Variants in MTMR10 observed in about 807,000 individuals in gnomAD.
The protein encoded by MTMR10 is myotubularin related protein 10.
A neutral mutation model predicts 88.1 loss-of-function variants in MTMR10; 56 were observed. That is an observed-to-expected ratio of 0.64 (90% CI 0.51 to 0.79). The LOEUF (loss-of-function observed/expected upper bound fraction) is 0.79, where lower values mean the gene tolerates loss of function less well. MTMR10 is among the 30% of genes least tolerant of loss of function. The pLI, the probability that MTMR10 is intolerant of heterozygous loss-of-function variation, is 0.00. For synonymous variants in MTMR10, 380 were observed against 340.9 expected, an observed-to-expected ratio of 1.11 and a Z score of -1.26; for missense variants, 883 against 924.7, an observed-to-expected ratio of 0.95 and a Z score of 0.58.
rs148661664 is a variant in MTMR10 at position 30,964,335 on chromosome 15, T to C, written c.566-3262A>G. On this transcript the variant is annotated intron_variant, in intron 6 of 15. Coordinates refer to ENST00000435680, the MANE Select transcript of MTMR10 (RefSeq NM_017762.3). ...ACTTTAATAAGCTAGGCTAAGAATG[T>C]GCTATTGTTTATGAGATTGTTTCTC... is the stretch of plus-strand genomic sequence containing the variant. Among the ~76,000 whole-genome samples the C allele has an allele frequency of 8.4e-3, 1,285 of 152,344 alleles. 14 individuals are homozygous for C. The highest frequency in any genetic ancestry group is 0.029 in the African/African-American group (1,196 of 41,566).
In MTMR10 at chr15:30,954,867, T is replaced by G; in HGVS notation, c.962A>C (p.His321Pro). 1 of 1,560,066 alleles carries G rather than the reference T, an allele frequency of 6.4e-7. No homozygotes were observed. The highest frequency in any genetic ancestry group is 8.7e-7 in the Non-Finnish European group (1 of 1,151,170). Residue 321 changes from histidine (H) to proline (P), a missense_variant, in exon 10 of 16, where the codon CAC becomes CCC. Physicochemically the swap from His to Pro is moderately conservative, Grantham distance 77. Transcript: ENST00000435680. ...QRICNAITKS[H>P]PQRSDVYKSD... ...TTTGTAAACATCACTTCTCTGTGGG[T>G]GACTTTTAGTTATTGCATTACAAAT...
intron 10 of MTMR10, among the ~76,000 whole-genome samples, chr15:30,953,858 A>C (rs962784341): frequency 4.6e-5 from 7 of 152,230 alleles, no homozygotes; most frequent in Non-Finnish European, 7.3e-5. Flanking sequence ...TCGCTCTTTC[A>C]GGGAAATCTT....
In MTMR10 at chr15:30,941,302, A is replaced by AT. The variant is rs146513200; in HGVS notation, c.*167dup. On this transcript the variant is annotated 3_prime_UTR_variant, in exon 16 of 16. Coordinates refer to ENST00000435680, the MANE Select transcript of MTMR10 (RefSeq NM_017762.3). ...GAACAAAATTTACATCTCTCTTAAA[A>AT]TAAGTGTGAAAGAAGCATGATTCAA... The AT allele has an allele frequency of 6.6e-7, 1 of 1,521,538 alleles. No homozygotes were observed. The highest frequency in any genetic ancestry group is 2.5e-5 in the East Asian group (1 of 39,934). 94.3% of individuals were successfully genotyped at this position (1,521,538 alleles called of 1,614,324 possible).
intron 2 of MTMR10, among the ~76,000 whole-genome samples, chr15:30,983,411 A>G (rs2030725930): frequency 6.6e-6 from 1 of 152,260 alleles, no homozygotes; most frequent in African/African-American, 2.4e-5. Context: ...GGGAAATGCA[A>G]TTACAGTTAA....
downstream of MTMR10, among the ~76,000 whole-genome samples, chr15:30,935,250 G>A (rs1254755339): frequency 6.6e-6 from 1 of 152,016 alleles, no homozygotes; most frequent in Non-Finnish European, 1.5e-5. Flanking sequence ...CAAGGCTGCA[G>A]TGTGCTGAGA....
intron 11 of MTMR10, 35 bp downstream of exon 11, chr15:30,953,527 A>C: frequency 6.8e-7 from 1 of 1,465,670 alleles, no homozygotes; most frequent in South Asian, 1.2e-5. Flanking sequence ...CTCAAAATAA[A>C]AAGTTAAAGG....
chr15:30,935,845 T>G (rs950683592), downstream of MTMR10, among the ~76,000 whole-genome samples: 7 of 152,248 alleles, frequency 4.6e-5, no homozygotes. Flanking sequence ...ATCTTTTTTT[T>G]TCCTCTGGCT....
downstream of MTMR10, chr15:30,937,204 T>G: frequency 6.2e-7 from 1 of 1,614,084 alleles, no homozygotes; most frequent in South Asian, 1.1e-5. Flanking sequence ...GGGGCTGAAG[T>G]AGAAGTCTGC....
At position 30,975,294 on chromosome 15, in the gene MTMR10, G is replaced by A. The variant is rs138559435; in HGVS notation, c.259-291C>T. ...GCCACAACATATTAAAGAAAAAAGG[G>A]CTCTTAGGTCATCAGATTTTAAGTG... On this transcript the variant is annotated intron_variant, in intron 3 of 15. Coordinates refer to ENST00000435680, the MANE Select transcript of MTMR10 (RefSeq NM_017762.3). Among the ~76,000 whole-genome samples, 9 of 152,240 alleles carry A rather than the reference G, an allele frequency of 5.9e-5. No homozygotes were observed. In the East Asian group the frequency reaches 1.7e-3, roughly 29 times the overall value.
At chr15:30,963,088 G>A (rs2063424703) in intron 6 of MTMR10, among the ~76,000 whole-genome samples, 1 of 152,158 alleles carries the variant, frequency 6.6e-6, no homozygotes, top group Non-Finnish European at 1.5e-5. Context: ...GTAACTTCTA[G>A]CCACACAAGC....
Position 30,943,037 on chromosome 15 carries a change from A to G in MTMR10, c.1584T>C (p.Asp528=), listed in dbSNP as rs2063105160. The G allele has an allele frequency of 6.5e-7, 1 of 1,547,018 alleles. No individual in the cohort carries two copies. The highest frequency in any genetic ancestry group is 1.4e-5 in the African/African-American group (1 of 72,822). Residue 528 remains aspartate (D), a synonymous_variant, in exon 15 of 16, where the codon GAT becomes GAC. Transcript: ENST00000435680. ...FAISKNIQLG[D]EKGLKFPSVW... is the part of the protein sequence containing the mutation. ...CAGAGGGGAATTTTAAGCCCTTCTC[A>G]TCACCCAATTGGATGTTTTTGCTTA...
downstream of MTMR10, among the ~76,000 whole-genome samples, chr15:30,937,489 T>A (rs1478961198): frequency 1.4e-5 from 2 of 141,962 alleles, no homozygotes; most frequent in African/African-American, 2.7e-5. Flanking sequence ...TCTCGCTCTG[T>A]CACCCAGGCT....
intron 2 of MTMR10, among the ~76,000 whole-genome samples, chr15:30,984,913 C>G (rs2030843136): frequency 6.6e-6 from 1 of 152,156 alleles, no homozygotes; most frequent in Admixed American, 6.5e-5. Flanking sequence ...CTTAGGTGAC[C>G]TTCCTCTGAG....
chr15:30,948,313 ATC>A lies in MTMR10; in HGVS notation c.1364_1365del (p.Arg455IlefsTer27). 2 of 1,611,768 alleles carry A rather than the reference ATC, an allele frequency of 1.2e-6. No homozygotes were observed. The highest frequency in any genetic ancestry group is 1.7e-6 in the Non-Finnish European group (2 of 1,179,264). Reference sequence around the variant, plus strand: ...CAAGATTTTGTTACCTCTTTCTCTGATCTCTTTAGATGGTTGCATCTGTCTAG... The same window carrying A: ...CAAGATTTTGTTACCTCTTTCTCTGATCTTTAGATGGTTGCATCTGTCTAG... The part of the protein sequence containing the change: ...QFLDRCNHLK[R>X]SEKESPLFLL... On this transcript the variant is annotated frameshift_variant, in exon 13 of 16. Coordinates refer to ENST00000435680, the MANE Select transcript of MTMR10 (RefSeq NM_017762.3). LOFTEE classifies it high-confidence loss of function.
chr15:30,968,578 A>C (rs954346852), intron 5 of MTMR10, among the ~76,000 whole-genome samples: 8 of 91,658 alleles, frequency 8.7e-5, no homozygotes, highest in African/African-American at 3.8e-4. Context: ...CACACACACA[A>C]ACTGTGTTTA....
At chr15:30,960,116 T>C (rs922152868) in intron 7 of MTMR10, among the ~76,000 whole-genome samples, 4 of 152,172 alleles carry the variant, frequency 2.6e-5, no homozygotes, top group African/African-American at 9.7e-5. Context: ...AGGTGAACAA[T>C]AGCAATCCTT....
chr15:30,929,979 A>G, the MTMR10 span, among the ~76,000 whole-genome samples: 1 of 128,492 alleles, frequency 7.8e-6, no homozygotes, highest in South Asian at 2.1e-4. Context: ...TAAAATATAT[A>G]ATATATAAGA....
At chr15:30,955,040 G>A (rs2063303083) in intron 9 of MTMR10, 147 bp from the exon 10 acceptor site, 2 of 603,938 alleles carry the variant, frequency 3.3e-6, no homozygotes, top group East Asian at 6.8e-5. Flanking sequence ...TTTTAAGACA[G>A]AACCATTGCT....
At chr15:30,951,852 A>C in intron 12 of MTMR10, 116 bp downstream of exon 12, 1 of 841,540 alleles carries the variant, frequency 1.2e-6, no homozygotes, top group Non-Finnish European at 2.0e-6. Flanking sequence ...ATTTGATGGT[A>C]CTGTAGTAAA....
Sources: gnomAD v4.1 joint callset for allele counts (sites outside exome capture counted in the v4.1 genomes callset) on GRCh38, gnomAD v4.1.1 for gene constraint, MANE v1.5 for transcripts, NCBI Gene and HGNC (gene_info 2026-07-23, HGNC 2026-07-21) for gene names.